UBA6: variants seen among roughly 807,000 people sequenced by gnomAD.
UBA6 encodes the protein ubiquitin like modifier activating enzyme 6.
A neutral mutation model predicts 148.3 loss-of-function variants in UBA6; 87 were observed. The observed-to-expected ratio is 0.59, with a 90% CI of 0.49 to 0.70. The LOEUF is 0.70. Among genes scored for constraint, UBA6 ranks in the 30% least tolerant of loss-of-function variants. UBA6 has a pLI of 0.00. For missense variants in UBA6, 1,186 were observed against 1,241.2 expected, an observed-to-expected ratio of 0.96 and a Z score of 0.67; for synonymous variants, 376 against 401.0, an observed-to-expected ratio of 0.94 and a Z score of 0.75.
At position 67,701,090 on chromosome 4, in the gene UBA6, A is replaced by T; in HGVS notation, c.30T>A (p.His10Gln). Residue 10 changes from histidine (H) to glutamine (Q), a missense_variant, in exon 1 of 33, where the codon CAT becomes CAA. Coordinates refer to ENST00000322244, the MANE Select transcript of UBA6 (RefSeq NM_018227.6). ...AAGAACAGGACGCCTCTTCCCCCTGATGGGCGGCCACAGGCTCGGATCCTT... is the reference window on the plus strand; with the variant it reads ...AAGAACAGGACGCCTCTTCCCCCTGTTGGGCGGCCACAGGCTCGGATCCTT... MEGSEPVAA[H>Q]QGEEASCSSW... The T allele has an allele frequency of 6.2e-7, 1 of 1,613,544 alleles. No homozygotes were observed. The highest frequency in any genetic ancestry group is 8.5e-7 in the Non-Finnish European group (1 of 1,179,730).
At position 67,640,407 on chromosome 4, in the gene UBA6, G is replaced by C. The variant is rs569510549; in HGVS notation, c.1554+744C>G. Reference sequence around the variant, plus strand: ...TACTTTCTGTTCATGACATTACTAAGCTTAGTTTACTAAGACTTGCAATGA... The same window carrying C: ...TACTTTCTGTTCATGACATTACTAACCTTAGTTTACTAAGACTTGCAATGA... On this transcript the variant is annotated intron_variant, in intron 18 of 32. Coordinates refer to ENST00000322244, the MANE Select transcript of UBA6 (RefSeq NM_018227.6). 4.6e-5 allele frequency among the ~76,000 whole-genome samples: 7 copies of C among 152,262 alleles called. No individual in the cohort carries two copies. In the South Asian group the frequency reaches 1.5e-3, roughly 32 times the overall value.
Position 67,673,702 on chromosome 4 carries a change from T to C in UBA6, c.541A>G (p.Ile181Val), listed in dbSNP as rs776171417. The change falls in exon 7 of 33, where the codon ATT becomes GTT. Residue 181 changes from isoleucine to valine, a missense_variant. Coordinates refer to ENST00000322244, the MANE Select transcript of UBA6 (RefSeq NM_018227.6). ...TTACTAAATGATACAATTACCTTAATTGGAGGGCACTGAGAACGGCAAAAG... is the reference window on the plus strand; with the variant it reads ...TTACTAAATGATACAATTACCTTAACTGGAGGGCACTGAGAACGGCAAAAG... The part of the protein sequence containing the change: ...NDFCRSQCPP[I>V]KFISADVHGI... 1.1e-5 allele frequency: 18 copies of C among 1,608,156 alleles called. No individual in the cohort carries two copies. Among genetic ancestry groups the C allele is most frequent in the African/African-American group, 2.7e-5 (2 of 74,814 alleles).
chr4:67,665,196 A>G lies in UBA6; in HGVS notation c.890T>C (p.Val297Ala). The stretch of plus-strand genomic sequence containing the variant: ...CGAAAAAAAAATACTTACAAAAAAA[A>G]CTGTTTTAGGAGTCTTAACTTGGAC... ...IAVQVKTPKT[V>A]FFESLERQLK... The change falls in exon 10 of 33, where the codon GTT becomes GCT. Residue 297 changes from valine to alanine, a missense_variant. Val to Ala is a moderately conservative substitution (Grantham distance 64). Coordinates refer to ENST00000322244, the MANE Select transcript of UBA6 (RefSeq NM_018227.6). 6.4e-7 allele frequency: 1 copy of G among 1,564,932 alleles called. No individual in the cohort carries two copies. The highest frequency in any genetic ancestry group is 1.2e-5 in the South Asian group (1 of 80,468).
intron 2 of UBA6, among the ~76,000 whole-genome samples, chr4:67,689,987 A>T (rs1269681454): frequency 1.3e-5 from 2 of 152,132 alleles, no homozygotes; most frequent in Non-Finnish European, 2.9e-5. Context: ...AATAAAAATA[A>T]GATGCTTTAG....
intron 32 of UBA6, among the ~76,000 whole-genome samples, 169 bp downstream of exon 32, chr4:67,622,662 G>A (rs1728776900): frequency 6.6e-6 from 1 of 152,210 alleles, no homozygotes; most frequent in Admixed American, 6.5e-5. Flanking sequence ...AATCTCTCGA[G>A]AGGTAGCCTG....
At chr4:67,663,097 T>C (rs1040331643) in intron 12 of UBA6, 42 bp downstream of exon 12, 1 of 1,473,978 alleles carries the variant, frequency 6.8e-7, no homozygotes, top group African/African-American at 1.4e-5. Flanking sequence ...ACTACTACTT[T>C]TATAAAAAGG....
chr4:67,629,056 A>AT lies in UBA6; in HGVS notation c.2400+14dup, dbSNP rs764042609. The AT allele has an allele frequency of 8.2e-5, 130 of 1,578,118 alleles. No individual in the cohort carries two copies. The highest frequency in any genetic ancestry group is 1.1e-4 in the Non-Finnish European group (125 of 1,148,344). ...TCCCAAACTATTTGCTGAATGAATG[A>AT]TTTTTTAAACATACCTTATTGGAAG... On this transcript the variant is annotated intron_variant, in intron 27 of 32. Transcript: ENST00000322244.
chr4:67,695,199 A>T (rs1471286792), intron 2 of UBA6, among the ~76,000 whole-genome samples: 1 of 152,246 alleles, frequency 6.6e-6, no homozygotes, highest in Admixed American at 6.5e-5. Flanking sequence ...CCAAAAGGAC[A>T]TTAAGAATAT....
At chr4:67,671,091 A>G (rs1008749516) in intron 7 of UBA6, among the ~76,000 whole-genome samples, 1 of 152,198 alleles carries the variant, frequency 6.6e-6, no homozygotes, top group African/African-American at 2.4e-5. Flanking sequence ...AATCAAAGCC[A>G]TGAAAGGTAA....
Position 67,668,573 on chromosome 4 carries a change from A to C in UBA6, c.771T>G (p.Asn257Lys), listed in dbSNP as rs886925620. ...FREINGMTGL[N>K]GSIQQITVIS... ...TACCCGTTATTTGTTGTATAGATCC[A>C]TTTAAACCTGTCATTCCATTAATTT... The change falls in exon 9 of 33, where the codon AAT (asparagine) becomes AAG (lysine). Residue 257 changes from asparagine to lysine, a missense_variant. Asn to Lys is a moderately conservative substitution (Grantham distance 94). Transcript: ENST00000322244. 2 of 1,612,694 alleles carry C rather than the reference A, an allele frequency of 1.2e-6. No individual in the cohort carries two copies. Among genetic ancestry groups the C allele is most frequent in the Non-Finnish European group, 1.7e-6 (2 of 1,178,862 alleles).
intron 17 of UBA6, among the ~76,000 whole-genome samples, chr4:67,643,610 T>A (rs1729356686): frequency 6.6e-6 from 1 of 152,080 alleles, no homozygotes; most frequent in African/African-American, 2.4e-5. Flanking sequence ...CACTTGTAAG[T>A]ACCCATGGCT....
In UBA6 at chr4:67,631,755, T is replaced by G. The variant is rs1457975106; in HGVS notation, c.2211A>C (p.Ser737=). ...RLKDGSLFWQ[S]PKRPPSPIKF... ...TTATTGGAGAGGGTGGCCTCTTTGG[T>G]GACTGCCAAAATAAACCTGGCAAAA... Residue 737 remains serine, a synonymous_variant, in exon 25 of 33, where the codon TCA becomes TCC. Coordinates refer to ENST00000322244, the MANE Select transcript of UBA6 (RefSeq NM_018227.6). 2 of 1,611,780 alleles carry G rather than the reference T, an allele frequency of 1.2e-6. No homozygotes were observed. The highest frequency in any genetic ancestry group is 8.5e-7 in the Non-Finnish European group (1 of 1,179,038).
chr4:67,660,411 G>C (rs2109930879), intron 13 of UBA6, among the ~76,000 whole-genome samples: 1 of 152,310 alleles, frequency 6.6e-6, no homozygotes, highest in African/African-American at 2.4e-5. Context: ...TCAGGACATG[G>C]TGCCCTGTGT....
chr4:67,671,476 C>A (rs1300513965), intron 7 of UBA6, among the ~76,000 whole-genome samples: 1 of 149,898 alleles, frequency 6.7e-6, no homozygotes, highest in Admixed American at 6.6e-5. Flanking sequence ...TGGGCAGAAA[C>A]TTAGAAGCTT....
At position 67,616,143 on chromosome 4, in the gene UBA6, C is replaced by G. The variant is rs1728621864; in HGVS notation, c.*2854G>C. The G allele has an allele frequency of 5.1e-6, 2 of 394,824 alleles. No homozygotes were observed. The highest frequency in any genetic ancestry group is 8.9e-6 in the Non-Finnish European group (2 of 224,600). The allele number at this position is 394,824 out of a possible 1,614,324, so 24.5% of individuals were successfully genotyped here. A position where few individuals can be genotyped will look rare whatever the true frequency, so the allele number is the denominator to read the frequency against. On this transcript the variant is annotated 3_prime_UTR_variant, in exon 33 of 33. Transcript: ENST00000322244. ...TCAATGGATACTTAACTCTGATCCT[C>G]AAGAGCTCAACTCTGATTTTTTTTT...
chr4:67,701,057 C>G lies in UBA6; in HGVS notation c.63G>C (p.Gly21=), dbSNP rs571832522. The G allele has an allele frequency of 6.2e-7, 1 of 1,613,776 alleles. No individual in the cohort carries two copies. The highest frequency in any genetic ancestry group is 2.2e-5 in the East Asian group (1 of 44,864). ...QGEEASCSSW[G]TGSTNKNLPI... ...CCTTCTCGTCCTCTCACCTGCCAGT[C>G]CCCCAGGAAGAACAGGACGCCTCTT... is the stretch of plus-strand genomic sequence containing the variant. Residue 21 remains glycine (G), a synonymous_variant, in exon 1 of 33, where the codon GGG becomes GGC. Transcript: ENST00000322244.
intron 1 of UBA6, among the ~76,000 whole-genome samples, chr4:67,697,829 C>T (rs1354453359): frequency 2.6e-5 from 4 of 152,224 alleles, no homozygotes; most frequent in African/African-American, 9.7e-5. Context: ...TGCCCTTCCC[C>T]TTTATTCTCC....
rs539042392 is a variant in UBA6 at position 67,639,691 on chromosome 4, A to C, written c.1555-567T>G. Among the ~76,000 whole-genome samples, 81 of 152,310 alleles carry C rather than the reference A, an allele frequency of 5.3e-4. 1 individual carries two copies. The highest frequency in any genetic ancestry group is 1.7e-3 in the Admixed American group (26 of 15,310). ...CAAAATGCCTAAAACTACAGACAGTACCAAACCCTATATATACTATGTATT... is the reference window on the plus strand; with the variant it reads ...CAAAATGCCTAAAACTACAGACAGTCCCAAACCCTATATATACTATGTATT... On this transcript the variant is annotated intron_variant, in intron 18 of 32. Coordinates refer to ENST00000322244, the MANE Select transcript of UBA6 (RefSeq NM_018227.6).
chr4:67,689,011 CA>C (rs1401826444), intron 2 of UBA6, among the ~76,000 whole-genome samples: 2 of 152,056 alleles, frequency 1.3e-5, no homozygotes, highest in African/African-American at 4.8e-5. Context: ...ACTGATTTTT[CA>C]ACTCTACAAT....
Sources: gnomAD v4.1 joint callset for allele counts (sites outside exome capture counted in the v4.1 genomes callset) on GRCh38, gnomAD v4.1.1 for gene constraint, MANE v1.5 for transcripts, NCBI Gene and HGNC (gene_info 2026-07-23, HGNC 2026-07-21) for gene names.